MAST4: variants seen among roughly 807,000 people sequenced by gnomAD.
The protein encoded by MAST4 is microtubule associated serine/threonine kinase family member 4.
A neutral mutation model predicts 162.7 loss-of-function variants in MAST4; 89 were observed. That is an observed-to-expected ratio of 0.55 (90% CI 0.46 to 0.65). The LOEUF is 0.65. MAST4 is among the 30% of genes least tolerant of loss of function. The pLI is 0.00. For synonymous variants in MAST4, 1,479 were observed against 1,361.1 expected (o/e 1.09, Z -1.91); for missense variants, 3,153 against 3,374.0 (o/e 0.93, Z 1.62).
At chr5:66,804,763 C>G (rs1038166135) in intron 3 of MAST4, among the ~76,000 whole-genome samples, 3 of 151,968 alleles carry the variant, frequency 2.0e-5, no homozygotes, top group African/African-American at 7.3e-5. Flanking sequence ...CTTGATATTT[C>G]CTTTGTTGGG....
chr5:66,607,735 G>A (rs1174778552), intron 1 of MAST4, among the ~76,000 whole-genome samples: 1 of 152,186 alleles, frequency 6.6e-6, no homozygotes, highest in Non-Finnish European at 1.5e-5. Flanking sequence ...ATCCTCATCT[G>A]TGATGAAATA....
intron 4 of MAST4, among the ~76,000 whole-genome samples, chr5:66,935,492 G>A (rs544777216): frequency 2.8e-4 from 43 of 151,898 alleles, no homozygotes; most frequent in Middle Eastern, 3.4e-3. Flanking sequence ...CTCAGCTGTC[G>A]TTCTAGTGTG....
chr5:66,742,027 C>T (rs1358437217), intron 1 of MAST4, among the ~76,000 whole-genome samples: 1 of 152,302 alleles, frequency 6.6e-6, no homozygotes, highest in South Asian at 2.1e-4. Flanking sequence ...ACTCCCAGAG[C>T]GGAGTGCTGT....
Position 67,134,629 on chromosome 5 carries a change from T to C in MAST4, c.2333T>C (p.Val778Ala), listed in dbSNP as rs776306262. ...GGGATTATCCTCTATGAATTTCTGG[T>C]TGGATGCGTGCCATTCTTTGGGGAT... ...AMGIILYEFL[V>A]GCVPFFGDTP... The change falls in exon 18 of 29, where the codon GTT becomes GCT. Residue 778 changes from valine to alanine, a missense_variant. Val to Ala is a moderately conservative substitution (Grantham distance 64, BLOSUM62 0). This residue lies in a region of MAST4 where 131 missense variants were observed against 253.8 expected (regional missense o/e 0.52). Transcript: ENST00000403625. The C allele has an allele frequency of 6.2e-6, 10 of 1,613,650 alleles. No homozygotes were observed. Among genetic ancestry groups the C allele is most frequent in the Admixed American group, 3.3e-5 (2 of 59,996 alleles).
In MAST4 at chr5:67,074,804, A is replaced by G. The variant is rs545504284; in HGVS notation, c.764-15358A>G. ...TTAGGATTATCGATTTCATTTTTATACTTTAATGTATTTTGCAGATCCTCT... is the reference window on the plus strand; with the variant it reads ...TTAGGATTATCGATTTCATTTTTATGCTTTAATGTATTTTGCAGATCCTCT... On this transcript the variant is annotated intron_variant, in intron 5 of 28. Transcript: ENST00000403625. Among the ~76,000 whole-genome samples, 3 of 152,328 alleles carry G rather than the reference A, an allele frequency of 2.0e-5. No homozygotes were observed. In the South Asian group the frequency reaches 6.2e-4, roughly 32 times the overall value.
intron 14 of MAST4, among the ~76,000 whole-genome samples, chr5:67,129,319 C>T (rs147268487): frequency 1.7e-3 from 260 of 152,290 alleles, no homozygotes; most frequent in African/African-American, 5.2e-3. Context: ...ACATACTTCT[C>T]ATTTATCTGG....
chr5:66,986,551 C>G, intron 4 of MAST4: 1 of 1,326,024 alleles, frequency 7.5e-7, no homozygotes, highest in Non-Finnish European at 1.0e-6. Flanking sequence ...TACTTTCTCT[C>G]TGTCTTTCCA....
intron 14 of MAST4, 150 bp downstream of exon 14, chr5:67,121,252 C>CA (rs1203990675): frequency 1.9e-6 from 1 of 516,574 alleles, no homozygotes. Context: ...ACTGTGCAGC[C>CA]AAAATCACTT....
At chr5:66,901,064 C>A (rs1043841477) in intron 4 of MAST4, among the ~76,000 whole-genome samples, 1 of 152,110 alleles carries the variant, frequency 6.6e-6, no homozygotes, top group Non-Finnish European at 1.5e-5. Context: ...ACTCTTTCCT[C>A]TTCTGCATCA....
chr5:66,897,740 G>A (rs1000826512), intron 3 of MAST4, among the ~76,000 whole-genome samples: 8 of 152,186 alleles, frequency 5.3e-5, no homozygotes, highest in South Asian at 2.1e-4. Flanking sequence ...CTGCCATCCC[G>A]TGGAGCAGCA....
At chr5:66,919,807 A>G (rs1412357735) in intron 4 of MAST4, among the ~76,000 whole-genome samples, 1 of 152,168 alleles carries the variant, frequency 6.6e-6, no homozygotes, top group Non-Finnish European at 1.5e-5. Flanking sequence ...TTTTTGGAAC[A>G]TAACTGGATG....
At chr5:66,750,238 C>A (rs1450702797) in intron 1 of MAST4, among the ~76,000 whole-genome samples, 1 of 152,076 alleles carries the variant, frequency 6.6e-6, no homozygotes, top group Non-Finnish European at 1.5e-5. Context: ...TGAACTTTGG[C>A]CTTAGGGCAT....
At chr5:66,603,729 G>A (rs1342705728) in intron 1 of MAST4, among the ~76,000 whole-genome samples, 1 of 152,196 alleles carries the variant, frequency 6.6e-6, no homozygotes, top group African/African-American at 2.4e-5. Context: ...AAATAACCTA[G>A]TAGCCCTTTT....
chr5:66,885,699 A>G (rs565996312), intron 3 of MAST4, among the ~76,000 whole-genome samples: 24 of 152,242 alleles, frequency 1.6e-4, no homozygotes, highest in Non-Finnish European at 3.1e-4. Flanking sequence ...TCAATAATAA[A>G]TTTAAGAATA....
intron 4 of MAST4, chr5:66,986,556 TTTCC>T: frequency 8.4e-7 from 1 of 1,193,144 alleles, no homozygotes; most frequent in Non-Finnish European, 1.2e-6. Context: ...TCTCTCTGTC[TTTCC>T]ATATAGACAT....
chr5:66,685,803 C>T (rs1287301886), intron 1 of MAST4, among the ~76,000 whole-genome samples: 1 of 152,058 alleles, frequency 6.6e-6, no homozygotes. Context: ...AAAATGTGCA[C>T]TTTAGAGCAG....
intron 1 of MAST4, among the ~76,000 whole-genome samples, chr5:66,648,065 TGTGTGTGTGTGTGTGTGTGAGA>T (rs1719584925): frequency 7.6e-6 from 1 of 131,294 alleles, no homozygotes; most frequent in Admixed American, 8.4e-5. Flanking sequence ...TGTGTGTGTG[TGTGTGTGTGTGTGTGTGTGAGA>T]GAGAGAGAGA....
chr5:67,138,958 G>C (rs911740600), intron 19 of MAST4, among the ~76,000 whole-genome samples: 1 of 152,198 alleles, frequency 6.6e-6, no homozygotes, highest in Non-Finnish European at 1.5e-5. Context: ...ATAATGATCA[G>C]CATCTCTGTG....
At chr5:66,853,343 A>G (rs769831516) in intron 3 of MAST4, among the ~76,000 whole-genome samples, 1 of 152,166 alleles carries the variant, frequency 6.6e-6, no homozygotes, top group Non-Finnish European at 1.5e-5. Flanking sequence ...TTTGTTTTCT[A>G]TTTATTCTAA....
Sources: allele counts gnomAD v4.1 joint callset (sites outside exome capture counted in the v4.1 genomes callset), GRCh38; gene constraint gnomAD v4.1.1; regional missense constraint gnomAD v4.1.1; transcripts MANE v1.5; gene names NCBI Gene and HGNC (gene_info 2026-07-23, HGNC 2026-07-21).